Variants in CHD6 observed in about 807,000 individuals in gnomAD.
CHD6 encodes the protein ATP-dependent chromatin remodeler CHD6.
CHD6 carries 50 observed loss-of-function variants against 276.9 expected under a neutral mutation model. That is an observed-to-expected ratio of 0.18 (90% CI 0.14 to 0.23). CHD6 has a LOEUF of 0.23. CHD6 is among the 10% of genes least tolerant of loss of function. The pLI, the probability that CHD6 is intolerant of heterozygous loss-of-function variation, is 1.00. For missense variants in CHD6, 2,564 were observed against 3,365.8 expected (o/e 0.76, Z 5.89); for synonymous variants, 1,173 against 1,229.3 (o/e 0.95, Z 0.96).
At chr20:41,429,434 C>G (rs941424204) in intron 27 of CHD6, among the ~76,000 whole-genome samples, 1 of 152,182 alleles carries the variant, frequency 6.6e-6, no homozygotes, top group African/African-American at 2.4e-5. Context: ...TAGATCATTT[C>G]AAATCTCCCT....
intron 16 of CHD6, chr20:41,482,700 T>C (rs1600974133): frequency 2.8e-6 from 1 of 353,450 alleles, no homozygotes; most frequent in Non-Finnish European, 5.5e-6. Context: ...GTAACAAATG[T>C]AGTTTCCATA....
chr20:41,616,410 C>T (rs2045934928), intron 1 of CHD6, among the ~76,000 whole-genome samples: 1 of 152,180 alleles, frequency 6.6e-6, no homozygotes, highest in Non-Finnish European at 1.5e-5. Context: ...TGAAGCACAA[C>T]TCAATTTCGC....
At chr20:41,574,500 A>C (rs1015111575) in intron 1 of CHD6, among the ~76,000 whole-genome samples, 1 of 152,160 alleles carries the variant, frequency 6.6e-6, no homozygotes, top group Admixed American at 6.5e-5. Flanking sequence ...GTCAAAGCTG[A>C]ACTAAGGTAC....
chr20:41,409,393 T>C (rs990357549), intron 36 of CHD6, among the ~76,000 whole-genome samples: 1 of 152,226 alleles, frequency 6.6e-6, no homozygotes, highest in Non-Finnish European at 1.5e-5. Flanking sequence ...AGCTTCCTTA[T>C]GTTCAAGCAC....
intron 1 of CHD6, among the ~76,000 whole-genome samples, chr20:41,594,959 C>G (rs975924569): frequency 6.6e-6 from 1 of 152,238 alleles, no homozygotes; most frequent in African/African-American, 2.4e-5. Context: ...ATGTGTCTTG[C>G]TGAGAAACTT....
chr20:41,529,729 A>G (rs1180626871), intron 3 of CHD6, among the ~76,000 whole-genome samples: 2 of 152,052 alleles, frequency 1.3e-5, no homozygotes, highest in African/African-American at 4.8e-5. Context: ...CCAGAGATGG[A>G]AAGAGAGGGA....
In CHD6 at chr20:41,469,716, C is replaced by T. The variant is rs140762753; in HGVS notation, c.2664+3606G>A. Among the ~76,000 whole-genome samples the T allele has an allele frequency of 5.2e-3, 799 of 152,210 alleles. 5 individuals are homozygous for T. The highest frequency in any genetic ancestry group is 0.018 in the African/African-American group (751 of 41,528). ...CTTCAATTTTGTACACACATTGATG[C>T]GAATACAGACATATTCAAGGTTTGA... On this transcript the variant is annotated intron_variant, in intron 17 of 36. Transcript: ENST00000373233.
At chr20:41,498,839 G>A (rs2043759285) in intron 6 of CHD6, among the ~76,000 whole-genome samples, 2 of 138,622 alleles carry the variant, frequency 1.4e-5, no homozygotes, top group African/African-American at 5.6e-5. Flanking sequence ...GTGTGTGTGT[G>A]TGTGTGTGTA....
At chr20:41,502,165 G>A (rs2043844346) in intron 5 of CHD6, among the ~76,000 whole-genome samples, 1 of 151,852 alleles carries the variant, frequency 6.6e-6, no homozygotes, top group Non-Finnish European at 1.5e-5. Flanking sequence ...TAGTATTTTT[G>A]TGTGCTGTTT....
At chr20:41,569,344 A>T (rs542804200) in intron 1 of CHD6, among the ~76,000 whole-genome samples, 2 of 152,356 alleles carry the variant, frequency 1.3e-5, no homozygotes, top group Admixed American at 1.3e-4. Context: ...TGATTCATTT[A>T]ATTTGCCTAC....
chr20:41,579,038 G>A (rs904134898), intron 1 of CHD6, among the ~76,000 whole-genome samples: 21 of 149,444 alleles, frequency 1.4e-4, no homozygotes, highest in Non-Finnish European at 2.2e-4. Context: ...GCTGAGGCAG[G>A]AGAATCGCTG....
At chr20:41,443,408 T>C (rs1419170203) in intron 25 of CHD6, among the ~76,000 whole-genome samples, 1 of 152,212 alleles carries the variant, frequency 6.6e-6, no homozygotes, top group East Asian at 1.9e-4. Flanking sequence ...CCTCCTTAGA[T>C]TCCTGTCCAT....
chr20:41,600,030 G>A (rs1464490377), intron 1 of CHD6, among the ~76,000 whole-genome samples: 1 of 152,212 alleles, frequency 6.6e-6, no homozygotes, highest in African/African-American at 2.4e-5. Context: ...GCACCATTCT[G>A]CAGAAGTAAA....
intron 2 of CHD6, among the ~76,000 whole-genome samples, chr20:41,545,019 A>T (rs150081265): frequency 6.6e-6 from 1 of 152,112 alleles, no homozygotes; most frequent in Non-Finnish European, 1.5e-5. Flanking sequence ...ATAATAACTA[A>T]TAAGTTCTGG....
chr20:41,587,338 C>T (rs1257540215), intron 1 of CHD6, among the ~76,000 whole-genome samples: 1 of 152,134 alleles, frequency 6.6e-6, no homozygotes, highest in Non-Finnish European at 1.5e-5. Context: ...TATCTGATAG[C>T]CTAAGTAGCC....
At chr20:41,592,088 G>A (rs866618348) in intron 1 of CHD6, among the ~76,000 whole-genome samples, 1 of 152,148 alleles carries the variant, frequency 6.6e-6, no homozygotes, top group Non-Finnish European at 1.5e-5. Flanking sequence ...GACAGAGTGA[G>A]ACTCTGTATC....
At chr20:41,564,307 T>G (rs2045332760) in intron 1 of CHD6, among the ~76,000 whole-genome samples, 1 of 152,180 alleles carries the variant, frequency 6.6e-6, no homozygotes, top group African/African-American at 2.4e-5. Flanking sequence ...CAACTCCCAA[T>G]GTAAACTCCC....
chr20:41,457,549 C>T (rs1187318598), intron 17 of CHD6, 121 bp from the exon 18 acceptor site: 1 of 1,170,878 alleles, frequency 8.5e-7, no homozygotes, highest in Non-Finnish European at 1.2e-6. Flanking sequence ...TTACAAGTAA[C>T]AGGACTGATT....
intron 36 of CHD6, among the ~76,000 whole-genome samples, chr20:41,406,478 C>T (rs555217021): frequency 3.3e-5 from 5 of 152,290 alleles, no homozygotes; most frequent in East Asian, 1.9e-4. Context: ...GCAGCATCAG[C>T]GAGCGGAAGG....
Sources: allele counts gnomAD v4.1 joint callset (sites outside exome capture counted in the v4.1 genomes callset), GRCh38; gene constraint gnomAD v4.1.1; transcripts MANE v1.5; gene names NCBI Gene and HGNC (gene_info 2026-07-23, HGNC 2026-07-21).